Variants in KSR2 observed in about 807,000 individuals in gnomAD.
KSR2 encodes the protein kinase suppressor of ras 2.
Under a neutral mutation model 107.8 loss-of-function variants are expected in KSR2, and 25 were observed. The observed-to-expected ratio is 0.23, with a 90% CI of 0.17 to 0.32. KSR2 has a LOEUF of 0.32. Ranked by LOEUF, KSR2 falls within the 10% of genes least tolerant of loss-of-function variation. KSR2 has a pLI of 1.00. For missense variants in KSR2, 887 were observed against 1,268.9 expected, an observed-to-expected ratio of 0.70 and a Z score of 4.57; for synonymous variants, 480 against 507.0, an observed-to-expected ratio of 0.95 and a Z score of 0.71.
At chr12:117,509,813 T>C (rs1379516728) in intron 14 of KSR2, among the ~76,000 whole-genome samples, 1 of 152,238 alleles carries the variant, frequency 6.6e-6, no homozygotes, top group African/African-American at 2.4e-5. Context: ...TTCTCGAGGT[T>C]CCTCTCAGTC....
intron 5 of KSR2, among the ~76,000 whole-genome samples, chr12:117,613,310 G>C (rs1444113594): frequency 6.6e-6 from 1 of 152,154 alleles, no homozygotes; most frequent in Non-Finnish European, 1.5e-5. Flanking sequence ...CATAGAAATA[G>C]TAGTGTATCA....
At chr12:117,910,175 G>A (rs1412963768) in intron 1 of KSR2, among the ~76,000 whole-genome samples, 2 of 152,038 alleles carry the variant, frequency 1.3e-5, no homozygotes, top group Non-Finnish European at 2.9e-5. Context: ...AGGGTGCAGC[G>A]AGCCATGATC....
chr12:117,896,925 C>T (rs1894531771), intron 1 of KSR2, among the ~76,000 whole-genome samples: 1 of 152,096 alleles, frequency 6.6e-6, no homozygotes. Context: ...CAGTCGTCAC[C>T]CTCCTGTTAG....
At chr12:117,726,267 T>C (rs907297082) in intron 4 of KSR2, among the ~76,000 whole-genome samples, 3 of 152,160 alleles carry the variant, frequency 2.0e-5, no homozygotes, top group Non-Finnish European at 4.4e-5. Flanking sequence ...CATATTCACA[T>C]AAAATGGGAG....
intron 4 of KSR2, among the ~76,000 whole-genome samples, chr12:117,746,749 C>T (rs1279766967): frequency 6.6e-6 from 1 of 151,604 alleles, no homozygotes; most frequent in African/African-American, 2.4e-5. Flanking sequence ...AAAAAAACCC[C>T]CATCAAAAAG....
intron 4 of KSR2, among the ~76,000 whole-genome samples, chr12:117,752,679 A>G (rs12316468): frequency 0.24 from 35,773 of 152,150 alleles, 5,276 homozygotes; most frequent in African/African-American, 0.41. Context: ...TGTAATTGCA[A>G]TTATAATTGA....
chr12:117,480,154 C>T, intron 16 of KSR2, among the ~76,000 whole-genome samples: 1 of 151,082 alleles, frequency 6.6e-6, no homozygotes, highest in Non-Finnish European at 1.5e-5. Context: ...CCAACATTCT[C>T]CTGCAATGAC....
rs1459504243 is a variant in KSR2, at chr12:117,464,413, C to T, written c.*2786G>A. 6.6e-6 allele frequency: 1 copy of T among 152,170 alleles called. No homozygotes were observed. 9.4% of individuals were successfully genotyped at this position (152,170 alleles called of 1,614,324 possible). On this transcript the variant is annotated 3_prime_UTR_variant, in exon 20 of 20. Coordinates refer to ENST00000339824, the MANE Select transcript of KSR2 (RefSeq NM_173598.6). ...CAAGGGCAAACACACAAATCTTGGT[C>T]GTGTCATTGTATAGAATGAGTTGCA... is the stretch of plus-strand genomic sequence containing the variant.
At chr12:117,823,118 A>C (rs1185348901) in intron 3 of KSR2, among the ~76,000 whole-genome samples, 2 of 133,742 alleles carry the variant, frequency 1.5e-5, no homozygotes, top group African/African-American at 2.6e-5. Context: ...CAAGGAACTC[A>C]AAAAAAAAAA....
At chr12:117,623,286 G>A (rs984925614) in intron 5 of KSR2, among the ~76,000 whole-genome samples, 11 of 152,052 alleles carry the variant, frequency 7.2e-5, no homozygotes, top group Non-Finnish European at 1.3e-4. Flanking sequence ...CAACATGCAG[G>A]TTTGATACAT....
chr12:117,695,862 C>G (rs1459478916), intron 4 of KSR2, among the ~76,000 whole-genome samples: 1 of 152,194 alleles, frequency 6.6e-6, no homozygotes, highest in Non-Finnish European at 1.5e-5. Flanking sequence ...GGTCGCCGCT[C>G]TTCTTCAGGA....
Position 117,562,876 on chromosome 12 carries a change from T to G in KSR2, c.1326-4303A>C, listed in dbSNP as rs1177167782. Reference sequence around the variant, plus strand: ...CATGCAGAAAACCCCAAGGGAAATATCTCCAATGCCCAGGCACTTAAACCT... The same window carrying G: ...CATGCAGAAAACCCCAAGGGAAATAGCTCCAATGCCCAGGCACTTAAACCT... On this transcript the variant is annotated intron_variant, in intron 7 of 19. Coordinates refer to ENST00000339824, the MANE Select transcript of KSR2 (RefSeq NM_173598.6). Among the ~76,000 whole-genome samples the G allele has an allele frequency of 3.3e-5, 5 of 152,224 alleles. No individual in the cohort carries two copies. In the East Asian group the frequency reaches 9.7e-4, roughly 29 times the overall value.
intron 5 of KSR2, among the ~76,000 whole-genome samples, chr12:117,637,681 T>TTTTTG (rs1408017129): frequency 8.0e-5 from 10 of 125,108 alleles, no homozygotes; most frequent in African/African-American, 3.3e-4. Context: ...TTGGGTTTTT[T>TTTTTG]TTTTTTTTTT....
chr12:117,694,307 A>G (rs546294917), intron 4 of KSR2, among the ~76,000 whole-genome samples: 18 of 152,290 alleles, frequency 1.2e-4, no homozygotes, highest in African/African-American at 4.1e-4. Context: ...GTGGTAGTGA[A>G]TAAGTCTCAT....
rs776072970 is a variant in KSR2, at chr12:117,525,196, G to A, written c.1875C>T (p.Ala625=). ...CCTCGAAGTCATCCTCTGACTCTTC[G>A]GCCTCATCATGGACCTCTTCATTCT... ...TSENEEVHDE[A]EESEDDFEEM... Residue 625 remains alanine (A), a synonymous_variant, in exon 14 of 20, where the codon GCC becomes GCT. Coordinates refer to ENST00000339824, the MANE Select transcript of KSR2 (RefSeq NM_173598.6). 1.6e-5 allele frequency: 25 copies of A among 1,609,290 alleles called. No homozygotes were observed. The highest frequency in any genetic ancestry group is 4.4e-5 in the South Asian group (4 of 90,452).
At chr12:117,508,041 C>A (rs1294236182) in intron 14 of KSR2, among the ~76,000 whole-genome samples, 2 of 150,774 alleles carry the variant, frequency 1.3e-5, no homozygotes, top group Non-Finnish European at 2.9e-5. Flanking sequence ...TTGGGTTCCA[C>A]AAAAGTTAGA....
At chr12:117,822,091 C>T (rs1246464298) in intron 3 of KSR2, among the ~76,000 whole-genome samples, 1 of 152,174 alleles carries the variant, frequency 6.6e-6, no homozygotes, top group African/African-American at 2.4e-5. Context: ...CCATTAGCTC[C>T]ATCACAGTTT....
intron 1 of KSR2, among the ~76,000 whole-genome samples, chr12:117,894,099 T>C (rs11068720): frequency 0.39 from 59,639 of 151,840 alleles, 14,321 homozygotes; most frequent in East Asian, 0.87. Context: ...TTAGTAGAGA[T>C]GGGGTTTCAC....
intron 4 of KSR2, among the ~76,000 whole-genome samples, chr12:117,760,088 C>A (rs1379534047): frequency 5.3e-5 from 8 of 152,340 alleles, no homozygotes; most frequent in African/African-American, 1.9e-4. Context: ...GCCTGGGCAA[C>A]AGAGCTAGAC....
Sources: gnomAD v4.1 joint callset for allele counts (sites outside exome capture counted in the v4.1 genomes callset) on GRCh38, gnomAD v4.1.1 for gene constraint, MANE v1.5 for transcripts, NCBI Gene and HGNC (gene_info 2026-07-23, HGNC 2026-07-21) for gene names.